ADAMTS18: variants seen among roughly 807,000 people sequenced by gnomAD.
ADAMTS18 encodes A disintegrin and metalloproteinase with thrombospondin motifs 18.
A neutral mutation model predicts 165.9 loss-of-function variants in ADAMTS18; 157 were observed. The ratio of observed to expected loss-of-function variants is 0.95; its 90% confidence interval spans 0.83 to 1.08. The LOEUF (loss-of-function observed/expected upper bound fraction) is 1.08, where lower values mean the gene tolerates loss of function less well. ADAMTS18 is among the 50% of genes least tolerant of loss of function. The pLI is 0.00. For synonymous variants in ADAMTS18, 782 were observed against 578.2 expected (o/e 1.35, Z -5.06); for missense variants, 2,040 against 1,534.0 (o/e 1.33, Z -5.51).
intron 3 of ADAMTS18, among the ~76,000 whole-genome samples, chr16:77,399,124 C>T (rs1337214221): frequency 6.6e-6 from 1 of 152,188 alleles, no homozygotes; most frequent in Non-Finnish European, 1.5e-5. Context: ...AAGCTAGACC[C>T]ACCACCAGGT....
At chr16:77,432,091 G>C (rs1194607966) in intron 2 of ADAMTS18, among the ~76,000 whole-genome samples, 1 of 152,318 alleles carries the variant, frequency 6.6e-6, no homozygotes, top group South Asian at 2.1e-4. Flanking sequence ...CAGAGGCAGA[G>C]TTTACATTTC....
chr16:77,345,404 G>C (rs994019124), intron 10 of ADAMTS18, among the ~76,000 whole-genome samples: 1 of 151,984 alleles, frequency 6.6e-6, no homozygotes, highest in African/African-American at 2.4e-5. Flanking sequence ...ATTCTATCAA[G>C]AAAACCCCCA....
chr16:77,393,710 G>C (rs147210710), intron 3 of ADAMTS18, among the ~76,000 whole-genome samples: 3 of 152,292 alleles, frequency 2.0e-5, no homozygotes, highest in African/African-American at 7.2e-5. Flanking sequence ...CCAGTTTCCA[G>C]AACTGTGAGA....
At chr16:77,330,818 G>A (rs988225017) in intron 12 of ADAMTS18, among the ~76,000 whole-genome samples, 1 of 152,146 alleles carries the variant, frequency 6.6e-6, no homozygotes, top group African/African-American at 2.4e-5. Context: ...ATATGAAACA[G>A]AAACCTCACA....
intron 14 of ADAMTS18, among the ~76,000 whole-genome samples, chr16:77,321,589 T>C (rs1020386956): frequency 7.2e-5 from 11 of 152,008 alleles, no homozygotes; most frequent in Non-Finnish European, 1.5e-4. Flanking sequence ...AAACTAAAAT[T>C]AAAATGGAAG....
chr16:77,372,527 A>T (rs1158298619), intron 3 of ADAMTS18, among the ~76,000 whole-genome samples: 1 of 152,178 alleles, frequency 6.6e-6, no homozygotes, highest in Non-Finnish European at 1.5e-5. Flanking sequence ...TCAAAGACGG[A>T]GTCTTCATTC....
chr16:77,323,442 T>A (rs959073497), intron 13 of ADAMTS18, among the ~76,000 whole-genome samples: 11 of 152,196 alleles, frequency 7.2e-5, no homozygotes, highest in Non-Finnish European at 1.6e-4. Context: ...TAATTTTTTT[T>A]AATAGCAGCT....
chr16:77,291,221 G>A (rs766535448), intron 21 of ADAMTS18, 45 bp downstream of exon 21: 25 of 1,603,852 alleles, frequency 1.6e-5, no homozygotes, highest in South Asian at 1.1e-4. Context: ...CTCATTTTTC[G>A]ACATCTCACT....
chr16:77,407,583 TTAGAA>T (rs1162134913), intron 3 of ADAMTS18, among the ~76,000 whole-genome samples: 2 of 152,084 alleles, frequency 1.3e-5, no homozygotes, highest in Admixed American at 6.6e-5. Flanking sequence ...AGGTGTGGTA[TTAGAA>T]TAAAGACTTT....
chr16:77,289,379 G>T lies in ADAMTS18; in HGVS notation c.3435C>A (p.Thr1145=). 3 of 1,614,086 alleles carry T rather than the reference G, an allele frequency of 1.9e-6. No individual in the cohort carries two copies. The highest frequency in any genetic ancestry group is 2.5e-6 in the Non-Finnish European group (3 of 1,180,010). The part of the protein sequence containing the change: ...CTVTCGGGVQ[T]RSVHCVQQGR... ...CTTGCTGAACACAGTGGACTGACCG[G>T]GTCTGGACCCCTCCCCCACAGGTGA... The change falls in exon 22 of 23, where the codon ACC becomes ACA. Residue 1145 remains threonine (T), a synonymous_variant. Transcript: ENST00000282849.
chr16:77,321,868 G>T (rs2056004815), intron 14 of ADAMTS18, among the ~76,000 whole-genome samples: 1 of 152,096 alleles, frequency 6.6e-6, no homozygotes, highest in Non-Finnish European at 1.5e-5. Flanking sequence ...CGTAGATATG[G>T]TGCTCGGCCA....
chr16:77,300,141 G>C (rs2055552656), intron 17 of ADAMTS18, 122 bp downstream of exon 17: 2 of 1,181,348 alleles, frequency 1.7e-6, no homozygotes, highest in Admixed American at 2.0e-5. Context: ...TATGGTGATG[G>C]TTCTCATAAA....
In ADAMTS18 at chr16:77,294,945, C is replaced by T. The variant is rs2055437680; in HGVS notation, c.2984G>A (p.Trp995Ter). The T allele has an allele frequency of 1.2e-6, 2 of 1,614,158 alleles. No individual in the cohort carries two copies. Among genetic ancestry groups the T allele is most frequent in the Non-Finnish European group, 1.7e-6 (2 of 1,180,018 alleles). ...ACNSHACPPQ[W>*]SLGPWSQCSK... ...TACCTGAGACCAGGGTCCAAGGCTC[C>T]ATTGTGGAGGGCAGGCATGGCTGTT... Residue 995 changes from tryptophan to a stop codon, truncating the protein, a stop_gained, in exon 19 of 23, where the codon TGG (tryptophan) becomes TAG (stop). Coordinates refer to ENST00000282849, the MANE Select transcript of ADAMTS18 (RefSeq NM_199355.4). LOFTEE classifies it high-confidence loss of function.
chr16:77,368,583 C>T (rs2056833220), intron 3 of ADAMTS18, among the ~76,000 whole-genome samples: 1 of 151,860 alleles, frequency 6.6e-6, no homozygotes, highest in East Asian at 1.9e-4. Context: ...ACTACAGGTA[C>T]ACACCACTAT....
intron 14 of ADAMTS18, 123 bp downstream of exon 14, chr16:77,322,213 C>A: frequency 3.3e-6 from 3 of 919,902 alleles, no homozygotes; most frequent in African/African-American, 1.7e-5. Flanking sequence ...ACACTTTGCT[C>A]TTTCGCTCCA....
chr16:77,353,360 T>C (rs1472750824), intron 10 of ADAMTS18, among the ~76,000 whole-genome samples: 1 of 152,188 alleles, frequency 6.6e-6, no homozygotes, highest in African/African-American at 2.4e-5. Context: ...AGGCATATAA[T>C]GTATTTGGGT....
intron 3 of ADAMTS18, among the ~76,000 whole-genome samples, chr16:77,384,997 C>A (rs2057086386): frequency 6.6e-6 from 1 of 151,886 alleles, no homozygotes; most frequent in African/African-American, 2.4e-5. Context: ...GCAACCTCCG[C>A]TTCCCAGGTT....
chr16:77,319,230 G>A (rs1184514224), intron 16 of ADAMTS18, among the ~76,000 whole-genome samples: 2 of 152,034 alleles, frequency 1.3e-5, no homozygotes, highest in African/African-American at 2.4e-5. Context: ...CATCCAAATG[G>A]CAGACATAGA....
chr16:77,370,225 T>C (rs1426560327), intron 3 of ADAMTS18, among the ~76,000 whole-genome samples: 3 of 152,100 alleles, frequency 2.0e-5, no homozygotes, highest in Non-Finnish European at 4.4e-5. Context: ...GTACTGGAAG[T>C]CCTGGGTAGA....
Sources: gnomAD v4.1 joint callset for allele counts (sites outside exome capture counted in the v4.1 genomes callset) on GRCh38, gnomAD v4.1.1 for gene constraint, MANE v1.5 for transcripts, NCBI Gene and HGNC (gene_info 2026-07-23, HGNC 2026-07-21) for gene names.